Variants in BMERB1 observed in about 807,000 individuals in gnomAD.
BMERB1 encodes the protein bMERB domain-containing protein 1.
BMERB1 carries 12 observed loss-of-function variants against 23.6 expected under a neutral mutation model. The ratio of observed to expected loss-of-function variants is 0.51; its 90% CI spans 0.33 to 0.82. The LOEUF is 0.82. Ranked by LOEUF, BMERB1 falls within the 40% of genes least tolerant of loss-of-function variation. The pLI is 0.03. For missense variants in BMERB1, 247 were observed against 255.4 expected, an observed-to-expected ratio of 0.97 and a Z score of 0.22; for synonymous variants, 122 against 96.6, an observed-to-expected ratio of 1.26 and a Z score of -1.54.
intron 2 of BMERB1, among the ~76,000 whole-genome samples, chr16:15,561,251 C>G (rs1013311843): frequency 5.4e-5 from 7 of 130,810 alleles, no homozygotes. Context: ...GCCACCACGC[C>G]GGCCATTTTT....
intron 2 of BMERB1, among the ~76,000 whole-genome samples, chr16:15,561,761 C>G (rs1172333125): frequency 6.6e-6 from 1 of 152,108 alleles, no homozygotes; most frequent in African/African-American, 2.4e-5. Flanking sequence ...AGTGTAGGGG[C>G]ATATGCCTAA....
intron 2 of BMERB1, among the ~76,000 whole-genome samples, chr16:15,551,371 G>A (rs183843826): frequency 1.1e-3 from 170 of 152,302 alleles, no homozygotes; most frequent in Non-Finnish European, 2.0e-3. Context: ...GTCCCTTAAA[G>A]GAGGTGCAGT....
At chr16:15,560,882 A>C (rs1327772006) in intron 2 of BMERB1, among the ~76,000 whole-genome samples, 5 of 151,616 alleles carry the variant, frequency 3.3e-5, no homozygotes, top group African/African-American at 4.8e-5. Flanking sequence ...AAAAGGTTTT[A>C]CTTGTTAGCT....
intron 2 of BMERB1, among the ~76,000 whole-genome samples, chr16:15,518,778 A>T (rs1322678106): frequency 6.8e-6 from 1 of 146,056 alleles, no homozygotes; most frequent in Non-Finnish European, 1.5e-5. Context: ...TATTAAGTGA[A>T]TCAGGGAAGG....
intron 1 of BMERB1, among the ~76,000 whole-genome samples, chr16:15,442,396 T>C (rs534509616): frequency 7.2e-5 from 11 of 152,158 alleles, no homozygotes; most frequent in African/African-American, 2.4e-4. Context: ...GGCAACTATG[T>C]AAGTTATTGC....
intron 1 of BMERB1, among the ~76,000 whole-genome samples, chr16:15,441,775 G>T (rs1407025027): frequency 1.3e-5 from 2 of 152,124 alleles, no homozygotes; most frequent in African/African-American, 4.8e-5. Context: ...GCCTGTCTCA[G>T]CCTCCCAAAG....
chr16:15,525,476 G>A (rs2051896806), intron 2 of BMERB1, among the ~76,000 whole-genome samples: 1 of 152,060 alleles, frequency 6.6e-6, no homozygotes, highest in Non-Finnish European at 1.5e-5. Context: ...GGCCAAGGTG[G>A]GCAGATCATT....
At chr16:15,573,820 T>C (rs1402563125) in intron 3 of BMERB1, among the ~76,000 whole-genome samples, 2 of 150,056 alleles carry the variant, frequency 1.3e-5, no homozygotes, top group South Asian at 4.2e-4. Flanking sequence ...CAGTTCGGCA[T>C]AGCTGGGGAA....
At chr16:15,538,607 C>T (rs2052050155) in intron 2 of BMERB1, among the ~76,000 whole-genome samples, 1 of 152,162 alleles carries the variant, frequency 6.6e-6, no homozygotes, top group Admixed American at 6.5e-5. Flanking sequence ...AAAATTCCAG[C>T]GGATCCTAGA....
rs1168083632 is a variant in BMERB1, at chr16:15,581,266, G to C, written c.354G>C (p.Gln118His). The C allele has an allele frequency of 6.2e-7, 1 of 1,614,110 alleles. No homozygotes were observed. The part of the protein sequence containing the change: ...LQKQREDELI[Q>H]KIHKLVQKRD... ...AGCAGAGAGAGGATGAGCTAATCCA[G>C]AAGATCCACAAACTGGTGCAGAAGA... The change falls in exon 4 of 6, where the codon CAG (glutamine) becomes CAC (histidine). Residue 118 changes from glutamine to histidine, a missense_variant. By Grantham distance (24) the Gln-to-His change is conservative. Transcript: ENST00000300006.
At chr16:15,523,309 G>T (rs928158272) in intron 2 of BMERB1, among the ~76,000 whole-genome samples, 2 of 152,196 alleles carry the variant, frequency 1.3e-5, no homozygotes, top group Non-Finnish European at 2.9e-5. Context: ...ACCTGCTAGG[G>T]TCTTGGGGTT....
At chr16:15,486,332 C>G (rs1011274441) in intron 1 of BMERB1, among the ~76,000 whole-genome samples, 1 of 152,084 alleles carries the variant, frequency 6.6e-6, no homozygotes, top group Non-Finnish European at 1.5e-5. Flanking sequence ...TCTAGGGTGT[C>G]TCACAGAACA....
chr16:15,562,325 A>T (rs929692623), intron 2 of BMERB1, among the ~76,000 whole-genome samples: 1 of 150,814 alleles, frequency 6.6e-6, no homozygotes, highest in African/African-American at 2.5e-5. Flanking sequence ...AAAAAACATA[A>T]ATAAATAATT....
chr16:15,565,360 C>G (rs925638642), intron 2 of BMERB1, among the ~76,000 whole-genome samples: 3 of 152,180 alleles, frequency 2.0e-5, no homozygotes, highest in African/African-American at 7.2e-5. Context: ...TTGTCAGGAG[C>G]AAAGTAAGAT....
intron 2 of BMERB1, among the ~76,000 whole-genome samples, chr16:15,545,816 C>T (rs1395407978): frequency 1.3e-5 from 2 of 152,160 alleles, no homozygotes; most frequent in Non-Finnish European, 2.9e-5. Flanking sequence ...ACAGTGAATG[C>T]TTTCCCTAAA....
intron 3 of BMERB1, among the ~76,000 whole-genome samples, chr16:15,578,124 A>C (rs1335594009): frequency 6.6e-6 from 1 of 151,954 alleles, no homozygotes; most frequent in Admixed American, 6.6e-5. Context: ...TAACAGTAAC[A>C]CACACAATTC....
chr16:15,542,795 G>C (rs1020455875), intron 2 of BMERB1, among the ~76,000 whole-genome samples: 1 of 152,020 alleles, frequency 6.6e-6, no homozygotes, highest in Non-Finnish European at 1.5e-5. Flanking sequence ...GGTGTGGCTC[G>C]CTTACTTGGC....
intron 1 of BMERB1, among the ~76,000 whole-genome samples, chr16:15,479,374 CT>C (rs1324305103): frequency 2.6e-5 from 4 of 152,150 alleles, no homozygotes; most frequent in African/African-American, 9.7e-5. Context: ...AGCAAAAGAT[CT>C]TTCAAAGAGT....
intron 1 of BMERB1, among the ~76,000 whole-genome samples, chr16:15,478,421 A>G (rs2051290825): frequency 6.6e-6 from 1 of 152,120 alleles, no homozygotes; most frequent in Non-Finnish European, 1.5e-5. Flanking sequence ...TCAGCCTCCC[A>G]AAGTGTTGGG....
Sources: gnomAD v4.1 joint callset for allele counts (sites outside exome capture counted in the v4.1 genomes callset) on GRCh38, gnomAD v4.1.1 for gene constraint, MANE v1.5 for transcripts, NCBI Gene and HGNC (gene_info 2026-07-23, HGNC 2026-07-21) for gene names.